LGR4: variants seen among roughly 807,000 people sequenced by gnomAD.
LGR4 encodes leucine rich repeat containing G protein-coupled receptor 4, also known as leucine-rich repeat-containing G protein-coupled receptor 4.
LGR4 carries 44 observed loss-of-function variants against 84.8 expected under a neutral mutation model. That is an observed-to-expected ratio of 0.52 (90% CI 0.41 to 0.67). The LOEUF (loss-of-function observed/expected upper bound fraction) is 0.67. Among genes scored for constraint, LGR4 ranks in the 30% least tolerant of loss-of-function variants. The pLI is 0.00. For missense variants in LGR4, 1,032 were observed against 1,131.4 expected, an observed-to-expected ratio of 0.91 and a Z score of 1.26; for synonymous variants, 429 against 434.3, an observed-to-expected ratio of 0.99 and a Z score of 0.15.
chr11:27,378,369 AAAG>A (rs756509222), intron 11 of LGR4, among the ~76,000 whole-genome samples: 16 of 152,190 alleles, frequency 1.1e-4, no homozygotes, highest in Non-Finnish European at 2.4e-4. Flanking sequence ...GCTGCAGATG[AAAG>A]AAGGAGACTA....
intron 1 of LGR4, among the ~76,000 whole-genome samples, chr11:27,425,158 A>T (rs553749521): frequency 1.8e-4 from 28 of 152,304 alleles, no homozygotes; most frequent in African/African-American, 6.5e-4. Flanking sequence ...TGACAATCAG[A>T]AATAAAGTAA....
At chr11:27,471,349 T>C (rs1175599409) in intron 1 of LGR4, among the ~76,000 whole-genome samples, 1 of 152,246 alleles carries the variant, frequency 6.6e-6, no homozygotes, top group Non-Finnish European at 1.5e-5. Flanking sequence ...GCTGAGCATA[T>C]GCTCCGGAAC....
rs1276403434 is a variant in LGR4, at chr11:27,368,583, T to A, written c.2140A>T (p.Asn714Tyr). Residue 714 changes from asparagine (N) to tyrosine (Y), a missense_variant, in exon 18 of 18, where the codon AAC becomes TAC. By Grantham distance (143) the Asn-to-Tyr change is moderately radical. Coordinates refer to ENST00000379214, the MANE Select transcript of LGR4 (RefSeq NM_018490.5). ...GCCATTAATAAAAATGCTAGTGAGT[T>A]TAATAGCACTAACGTTACAGTGAAT... ...LGFTVTLVLL[N>Y]SLAFLLMAVI... is the part of the protein sequence containing the mutation. 6.2e-7 allele frequency: 1 copy of A among 1,613,762 alleles called. No individual in the cohort carries two copies.
chr11:27,447,588 C>T (rs1864413854), intron 1 of LGR4, among the ~76,000 whole-genome samples: 1 of 152,142 alleles, frequency 6.6e-6, no homozygotes, highest in Non-Finnish European at 1.5e-5. Flanking sequence ...ATAAAAATAG[C>T]TAACCAGCAA....
intron 1 of LGR4, among the ~76,000 whole-genome samples, chr11:27,445,282 C>T (rs1166985541): frequency 1.3e-5 from 2 of 152,100 alleles, no homozygotes; most frequent in Non-Finnish European, 2.9e-5. Flanking sequence ...CTGGAGGGCA[C>T]GAACTCTGGA....
chr11:27,429,154 G>A (rs540501090), intron 1 of LGR4, among the ~76,000 whole-genome samples: 2 of 152,188 alleles, frequency 1.3e-5, no homozygotes, highest in East Asian at 3.9e-4. Flanking sequence ...TAAAGAAAAT[G>A]GCTGAGAAAA....
At position 27,367,900 on chromosome 11, in the gene LGR4, G is replaced by C. The variant is rs1201436616; in HGVS notation, c.2823C>G (p.Arg941=). Residue 941 remains arginine, a synonymous_variant, in exon 18 of 18, where the codon CGC becomes CGG. Transcript: ENST00000379214. ...FYQSRGFPLV[R]YAYNLPRVKD is the part of the protein sequence containing the mutation. ...TAACTCTTGGTAGATTGTAAGCATA[G>C]CGCACCAAAGGGAATCCTCTACTCT... The C allele has an allele frequency of 1.9e-6, 3 of 1,602,654 alleles. No individual in the cohort carries two copies. Among genetic ancestry groups the C allele is most frequent in the Non-Finnish European group, 2.5e-6 (3 of 1,176,988 alleles).
chr11:27,371,846 G>A, intron 16 of LGR4, 148 bp from the exon 17 acceptor site: 1 of 624,398 alleles, frequency 1.6e-6, no homozygotes, highest in Non-Finnish European at 2.7e-6. Context: ...CATAGTGAAT[G>A]CCATTGTTTT....
At chr11:27,378,827 T>C (rs1246710950) in intron 10 of LGR4, 59 bp from the exon 11 acceptor site, 4 of 1,156,442 alleles carry the variant, frequency 3.5e-6, no homozygotes, top group Non-Finnish European at 3.9e-6. Context: ...AAGCAAAATT[T>C]ATTCCCATAT....
chr11:27,399,718 C>T lies in LGR4; in HGVS notation c.258-7200G>A, dbSNP rs555355347. On this transcript the variant is annotated intron_variant, in intron 2 of 17. Coordinates refer to ENST00000379214, the MANE Select transcript of LGR4 (RefSeq NM_018490.5). Reference sequence around the variant, plus strand: ...TACTTTTAGTAGAGACAGGTTTCACCACGTTGGCCAGGCTGCTCTCAAACT... The same window carrying T: ...TACTTTTAGTAGAGACAGGTTTCACTACGTTGGCCAGGCTGCTCTCAAACT... Among the ~76,000 whole-genome samples, 3 of 152,128 alleles carry T rather than the reference C, an allele frequency of 2.0e-5. No individual in the cohort carries two copies. The East Asian group carries it at 5.8e-4, about 30-fold the overall frequency.
At chr11:27,440,301 A>C (rs541215418) in intron 1 of LGR4, among the ~76,000 whole-genome samples, 2 of 152,150 alleles carry the variant, frequency 1.3e-5, no homozygotes, top group Non-Finnish European at 2.9e-5. Context: ...CACCCAGCAG[A>C]TGGACCCTTC....
intron 1 of LGR4, among the ~76,000 whole-genome samples, chr11:27,435,492 CTT>C (rs202247414): frequency 6.9e-6 from 1 of 144,644 alleles, no homozygotes. Flanking sequence ...TCATCAGCTA[CTT>C]TTTTTTTTTT....
chr11:27,400,648 G>A (rs947768349), intron 2 of LGR4, among the ~76,000 whole-genome samples: 5 of 151,422 alleles, frequency 3.3e-5, no homozygotes, highest in African/African-American at 1.2e-4. Context: ...GATTACAGGC[G>A]CCCGCCACTA....
intron 14 of LGR4, 35 bp downstream of exon 14, chr11:27,373,940 A>T: frequency 7.1e-7 from 1 of 1,404,512 alleles, no homozygotes. Context: ...ACTAGTTACT[A>T]CTTTCATGAC....
intron 1 of LGR4, among the ~76,000 whole-genome samples, chr11:27,415,705 TACA>T (rs1219289984): frequency 1.3e-5 from 2 of 152,142 alleles, no homozygotes; most frequent in African/African-American, 4.8e-5. Flanking sequence ...GGGATTCAGT[TACA>T]ACATTTATGA....
At chr11:27,437,925 A>G (rs1337802364) in intron 1 of LGR4, among the ~76,000 whole-genome samples, 1 of 152,064 alleles carries the variant, frequency 6.6e-6, no homozygotes, top group Non-Finnish European at 1.5e-5. Flanking sequence ...CTGAGATGGA[A>G]GGACAACTTG....
chr11:27,419,610 T>C (rs1218537777), intron 1 of LGR4, among the ~76,000 whole-genome samples: 1 of 147,594 alleles, frequency 6.8e-6, no homozygotes, highest in Non-Finnish European at 1.5e-5. Flanking sequence ...GTATTATATA[T>C]AAATATAATA....
Position 27,391,094 on chromosome 11 carries a change from A to G in LGR4, c.401T>C (p.Leu134Ser). The G allele has an allele frequency of 6.3e-7, 1 of 1,591,738 alleles. No homozygotes were observed. The highest frequency in any genetic ancestry group is 8.6e-7 in the Non-Finnish European group (1 of 1,163,388). Residue 134 changes from leucine to serine, a missense_variant and splice_region_variant, in exon 4 of 18, where the codon TTG becomes TCG. Transcript: ENST00000379214. ...GTCAAGAAACCAAGAAGTTACTTAC[A>G]AAGACTGCAAAGCACTCAGCCCTCG... The part of the protein sequence containing the change: ...AIRGLSALQS[L>S]RLDANHITSV...
chr11:27,369,135 T>G lies in LGR4; in HGVS notation c.1588A>C (p.Lys530Gln), dbSNP rs1168565132. 1 of 1,581,700 alleles carries G rather than the reference T, an allele frequency of 6.3e-7. No individual in the cohort carries two copies. The highest frequency in any genetic ancestry group is 2.2e-5 in the East Asian group (1 of 44,520). ...IHCTPSTGAF[K>Q]PCEYLLGSWM... ...CTTCCCAGTAAATATTCACAGGGCTTAAAAGCACCTAAAAAAAACACACAC... is the reference window on the plus strand; with the variant it reads ...CTTCCCAGTAAATATTCACAGGGCTGAAAAGCACCTAAAAAAAACACACAC... Residue 530 changes from lysine to glutamine, a missense_variant, in exon 18 of 18, where the codon AAG (lysine) becomes CAG (glutamine). Transcript: ENST00000379214.
Sources: gnomAD v4.1 joint callset for allele counts (sites outside exome capture counted in the v4.1 genomes callset) on GRCh38, gnomAD v4.1.1 for gene constraint, MANE v1.5 for transcripts, NCBI Gene and HGNC (gene_info 2026-07-23, HGNC 2026-07-21) for gene names.